Variants in CLEC2D observed in about 807,000 individuals in gnomAD.
CLEC2D encodes the protein C-type lectin related f.
CLEC2D carries 16 observed loss-of-function variants against 20.0 expected under a neutral mutation model. The ratio of observed to expected loss-of-function variants is 0.80; its 90% CI spans 0.54 to 1.22. CLEC2D has a LOEUF of 1.22. Ranked by LOEUF, CLEC2D falls within the 50% of genes most tolerant of loss-of-function variation. CLEC2D has a pLI of 0.00. For missense variants in CLEC2D, 207 were observed against 221.5 expected, an observed-to-expected ratio of 0.93 and a Z score of 0.42; for synonymous variants, 77 against 71.1, an observed-to-expected ratio of 1.08 and a Z score of -0.42.
chr12:9,677,707 C>CTTTTTTTTTTTTTTT (rs36120151), intron 1 of CLEC2D, among the ~76,000 whole-genome samples: 44 of 122,376 alleles, frequency 3.6e-4, no homozygotes, highest in Middle Eastern at 4.5e-3. Flanking sequence ...TTCTTTCTTT[C>CTTTTTTTTTTTTTTT]TTTTTTTTTT....
intron 3 of CLEC2D, among the ~76,000 whole-genome samples, chr12:9,689,138 A>C (rs1436434048): frequency 6.6e-6 from 1 of 152,232 alleles, no homozygotes; most frequent in Non-Finnish European, 1.5e-5. Context: ...CTATCATTGC[A>C]TCAGTCCTCA....
chr12:9,685,309 A>G (rs1439542364), intron 2 of CLEC2D, among the ~76,000 whole-genome samples: 2 of 152,188 alleles, frequency 1.3e-5, no homozygotes, highest in Non-Finnish European at 2.9e-5. Context: ...GTCAGGAGGC[A>G]TGGGGGTCAG....
rs1016744558 is a variant in CLEC2D, at chr12:9,697,184, G to C, written c.*2310G>C. 1 of 152,136 alleles carries C rather than the reference G, an allele frequency of 6.6e-6. No homozygotes were observed. Among genetic ancestry groups the C allele is most frequent in the African/African-American group, 2.4e-5 (1 of 41,420 alleles). 9.4% of individuals were successfully genotyped at this position (152,136 alleles called of 1,614,324 possible). A position where few individuals can be genotyped will look rare whatever the true frequency, so the allele number is the denominator to read the frequency against. On this transcript the variant is annotated 3_prime_UTR_variant, in exon 5 of 5. Transcript: ENST00000290855. ...ATCTCTGCAGCACTGTGACATGTTAGTGATGGCCATAACACCCACGCTGGA... is the reference window on the plus strand; with the variant it reads ...ATCTCTGCAGCACTGTGACATGTTACTGATGGCCATAACACCCACGCTGGA...
At chr12:9,693,788 TTCTTA>T in intron 4 of CLEC2D, 1 of 444,596 alleles carries the variant, frequency 2.2e-6, no homozygotes, top group Non-Finnish European at 4.5e-6. Context: ...CTCTACCTAA[TTCTTA>T]AAATGGTTTT....
chr12:9,695,916 G>C lies in CLEC2D; in HGVS notation c.*1042G>C. On this transcript the variant is annotated 3_prime_UTR_variant, in exon 5 of 5. Coordinates refer to ENST00000290855, the MANE Select transcript of CLEC2D (RefSeq NM_013269.6). The stretch of plus-strand genomic sequence containing the variant: ...ATGACGAGGAAGCTGAAGAAAAAGC[G>C]CCAGTGAAGAAATCTATACGAGATA... 8.1e-7 allele frequency: 1 copy of C among 1,236,218 alleles called. No individual in the cohort carries two copies. 76.6% of individuals were successfully genotyped at this position (1,236,218 alleles called of 1,614,324 possible). A position where few individuals can be genotyped will look rare whatever the true frequency, so the allele number is the denominator to read the frequency against.
chr12:9,684,478 T>C (rs1057119957), intron 2 of CLEC2D, among the ~76,000 whole-genome samples: 19 of 152,332 alleles, frequency 1.2e-4, no homozygotes, highest in Non-Finnish European at 2.6e-4. Context: ...AGGGAATGCT[T>C]CCAGCTTTTG....
At chr12:9,670,892 G>A (rs995476057) in intron 1 of CLEC2D, among the ~76,000 whole-genome samples, 3 of 152,186 alleles carry the variant, frequency 2.0e-5, no homozygotes, top group Non-Finnish European at 4.4e-5. Flanking sequence ...AGCATCTTTA[G>A]TGTGCCAATT....
At chr12:9,677,202 A>G (rs1865536224) in intron 1 of CLEC2D, among the ~76,000 whole-genome samples, 1 of 152,000 alleles carries the variant, frequency 6.6e-6, no homozygotes, top group Non-Finnish European at 1.5e-5. Flanking sequence ...GTAAACTTAG[A>G]TCATTAATTT....
rs759006057 is a variant in CLEC2D at position 9,678,304 on chromosome 12, T to G, written c.62-2619T>G. ...ATAGCTTCTCCTGCTTTCTTTTGTT[T>G]GTGCCAGTATGATATAATACATATA... On this transcript the variant is annotated intron_variant, in intron 1 of 4. Transcript: ENST00000290855. Among the ~76,000 whole-genome samples the G allele has an allele frequency of 5.1e-4, 78 of 152,274 alleles. 3 individuals carry two copies. The South Asian group carries it at 0.011, about 21-fold the overall frequency.
intron 1 of CLEC2D, among the ~76,000 whole-genome samples, chr12:9,670,456 A>G (rs769898679): frequency 6.6e-6 from 1 of 152,048 alleles, no homozygotes. Context: ...AAAAAGATGA[A>G]CTCTAAATGT....
chr12:9,675,310 C>G (rs1865501536), intron 1 of CLEC2D, among the ~76,000 whole-genome samples: 1 of 151,850 alleles, frequency 6.6e-6, no homozygotes, highest in Non-Finnish European at 1.5e-5. Context: ...ATTCTCCTGC[C>G]TCAGCCTCCT....
chr12:9,674,768 A>G (rs768204614), intron 1 of CLEC2D, among the ~76,000 whole-genome samples: 2 of 152,278 alleles, frequency 1.3e-5, no homozygotes, highest in South Asian at 2.1e-4. Context: ...TTGTCTTTTC[A>G]TTATTTTGAT....
At chr12:9,693,790 C>T (rs773948957) in intron 4 of CLEC2D, 1 of 444,910 alleles carries the variant, frequency 2.2e-6, no homozygotes, top group Non-Finnish European at 4.5e-6. Flanking sequence ...CTACCTAATT[C>T]TTAAAATGGT....
chr12:9,693,762 G>A lies in CLEC2D; in HGVS notation c.461+831G>A, dbSNP rs752340661. On this transcript the variant is annotated intron_variant, in intron 4 of 4. Transcript: ENST00000290855. The stretch of plus-strand genomic sequence containing the variant: ...ACTTTTATTTCTTATTTTACAATAC[G>A]GAAGTAGTAAATTTTCTCTACCTAA... 431 of 432,198 alleles carry A rather than the reference G, an allele frequency of 1.0e-3. 1 individual carries two copies. The highest frequency in any genetic ancestry group is 2.9e-3 in the Middle Eastern group (5 of 1,712). 26.8% of individuals were successfully genotyped at this position (432,198 alleles called of 1,614,324 possible).
rs955617232 is a variant in CLEC2D, at chr12:9,697,621, A to G, written c.*2747A>G. The G allele has an allele frequency of 2.0e-5, 3 of 152,172 alleles. No individual in the cohort carries two copies. Among genetic ancestry groups the G allele is most frequent in the African/African-American group, 7.2e-5 (3 of 41,436 alleles). The allele number at this position is 152,172 out of a possible 1,614,324, so 9.4% of individuals were successfully genotyped here. ...AGCTGGTCTCAGCACTGTTATTTGA[A>G]ACAATGTAAATAAACCTATAGGGTT... On this transcript the variant is annotated 3_prime_UTR_variant, in exon 5 of 5. Transcript: ENST00000290855.
chr12:9,687,757 G>T, intron 2 of CLEC2D, 145 bp from the exon 3 acceptor site: 1 of 460,412 alleles, frequency 2.2e-6, no homozygotes. Context: ...ATTATATTTA[G>T]CATCATATTT....
Position 9,692,933 on chromosome 12 carries a change from T to G in CLEC2D, c.461+2T>G. ...AAATGGTACTGAATGGACAAGACAG[T>G]AAGTTCTAAAAATCTGGCAGTAATA... On this transcript the variant is annotated splice_donor_variant, in intron 4 of 4. Transcript: ENST00000290855. LOFTEE classifies it high-confidence loss of function. 1.2e-6 allele frequency: 2 copies of G among 1,611,234 alleles called. No homozygotes were observed. The highest frequency in any genetic ancestry group is 8.5e-7 in the Non-Finnish European group (1 of 1,177,598).
At chr12:9,671,110 G>A (rs1865411333) in intron 1 of CLEC2D, among the ~76,000 whole-genome samples, 1 of 152,010 alleles carries the variant, frequency 6.6e-6, no homozygotes, top group Non-Finnish European at 1.5e-5. Context: ...AATTATAGCT[G>A]CATCTTTAAG....
At chr12:9,693,634 G>C (rs995461956) in intron 4 of CLEC2D, 2 of 221,094 alleles carry the variant, frequency 9.0e-6, no homozygotes, top group African/African-American at 4.8e-5. Context: ...TTTGACCTTG[G>C]ATGGGATGGT....
Sources: gnomAD v4.1 joint callset for allele counts (sites outside exome capture counted in the v4.1 genomes callset) on GRCh38, gnomAD v4.1.1 for gene constraint, MANE v1.5 for transcripts, NCBI Gene and HGNC (gene_info 2026-07-23, HGNC 2026-07-21) for gene names.